Variants in NMT1 observed in about 807,000 individuals in gnomAD.
NMT1 encodes glycylpeptide N-tetradecanoyltransferase 1.
A neutral mutation model predicts 63.4 loss-of-function variants in NMT1; 12 were observed. The ratio of observed to expected loss-of-function variants is 0.19; its 90% CI spans 0.12 to 0.31. The LOEUF (loss-of-function observed/expected upper bound fraction) is 0.31. NMT1 is among the 10% of genes least tolerant of loss of function. NMT1 has a pLI of 1.00. For missense variants in NMT1, 432 were observed against 634.6 expected, an observed-to-expected ratio of 0.68 and a Z score of 3.43; for synonymous variants, 228 against 234.3, an observed-to-expected ratio of 0.97 and a Z score of 0.25.
chr17:45,104,730 C>T lies in NMT1; in HGVS notation c.1333-129C>T, dbSNP rs1022114649. On this transcript the variant is annotated intron_variant, in intron 10 of 11. Coordinates refer to ENST00000258960, the MANE Select transcript of NMT1 (RefSeq NM_021079.5). This position sits in a 1 kb window ranked among gnomAD's most constrained non-coding sequence, Gnocchi z 4.2. ...AGAGCGGGGATTAACGTGGAAGCAG[C>T]GGAGCTTCTGAGGGAACCTTGTTCT... The T allele has an allele frequency of 3.3e-6, 5 of 1,497,854 alleles. No homozygotes were observed. Among genetic ancestry groups the T allele is most frequent in the Admixed American group, 4.5e-5 (2 of 44,408 alleles). 92.8% of individuals were successfully genotyped at this position (1,497,854 alleles called of 1,614,324 possible).
Position 45,106,098 on chromosome 17 carries a change from G to C in NMT1, c.*459G>C, listed in dbSNP as rs1359202111. The C allele has an allele frequency of 6.6e-6, 1 of 152,330 alleles. No homozygotes were observed. The highest frequency in any genetic ancestry group is 1.5e-5 in the Non-Finnish European group (1 of 68,016). The allele number at this position is 152,330 out of a possible 1,614,324, so 9.4% of individuals were successfully genotyped here. ...GACCCGAGGACAGTGGCAGACAGAC[G>C]CGTTGGCACAGTTCATGGTTTCCTC... is the stretch of plus-strand genomic sequence containing the variant. On this transcript the variant is annotated 3_prime_UTR_variant, in exon 12 of 12. Coordinates refer to ENST00000258960, the MANE Select transcript of NMT1 (RefSeq NM_021079.5).
chr17:45,105,024 C>T lies in NMT1; in HGVS notation c.1470+28C>T, dbSNP rs1219417993. On this transcript the variant is annotated intron_variant, in intron 11 of 11. Coordinates refer to ENST00000258960, the MANE Select transcript of NMT1 (RefSeq NM_021079.5). This position sits in a 1 kb window ranked among gnomAD's most constrained non-coding sequence, Gnocchi z 4.2. Reference sequence around the variant, plus strand: ...AGGCGACACATAGCCAGAGTCCAGGCTGCCCGGCCCAGGGTGTCCATGTCT... The same window carrying T: ...AGGCGACACATAGCCAGAGTCCAGGTTGCCCGGCCCAGGGTGTCCATGTCT... The T allele has an allele frequency of 6.2e-7, 1 of 1,613,548 alleles. No individual in the cohort carries two copies. The highest frequency in any genetic ancestry group is 1.1e-5 in the South Asian group (1 of 91,060).
chr17:45,085,204 G>A (rs1289410773), intron 2 of NMT1, among the ~76,000 whole-genome samples: 1 of 152,094 alleles, frequency 6.6e-6, no homozygotes, highest in Non-Finnish European at 1.5e-5. Flanking sequence ...AGTAAGCCAT[G>A]ATTGTGCCAC....
intron 1 of NMT1, among the ~76,000 whole-genome samples, chr17:45,065,436 A>G (rs929603309): frequency 2.6e-5 from 4 of 152,150 alleles, no homozygotes; most frequent in Non-Finnish European, 4.4e-5. Flanking sequence ...CATCCTGGCT[A>G]ACACAGTGAA....
chr17:45,095,538 A>G (rs57837152), intron 4 of NMT1, among the ~76,000 whole-genome samples: 4,322 of 152,276 alleles, frequency 0.028, 310 homozygotes, highest in East Asian at 0.25. Context: ...AGGTGGGAAG[A>G]TCGATTGAGC....
intron 1 of NMT1, among the ~76,000 whole-genome samples, chr17:45,079,768 C>T (rs2054002683): frequency 6.6e-6 from 1 of 151,736 alleles, no homozygotes; most frequent in Non-Finnish European, 1.5e-5. Context: ...GGCGCAATCT[C>T]GGCTCACTGC....
intron 3 of NMT1, among the ~76,000 whole-genome samples, chr17:45,091,235 C>CACACACACACACGT (rs1567868451): frequency 6.9e-6 from 1 of 145,626 alleles, no homozygotes; most frequent in Non-Finnish European, 1.5e-5. Context: ...CACACACACA[C>CACACACACACACGT]ACGTCCCATA....
At chr17:45,101,508 A>C (rs2054165480) in intron 8 of NMT1, among the ~76,000 whole-genome samples, 2 of 149,732 alleles carry the variant, frequency 1.3e-5, no homozygotes. Flanking sequence ...AATCCCAGCT[A>C]CTTGGGAAGC....
chr17:45,079,989 C>T (rs1393642225), intron 1 of NMT1, among the ~76,000 whole-genome samples: 2 of 152,112 alleles, frequency 1.3e-5, no homozygotes, highest in African/African-American at 4.8e-5. Flanking sequence ...TGAGCCACTG[C>T]GCCCGGCCAC....
intron 1 of NMT1, among the ~76,000 whole-genome samples, chr17:45,064,585 G>A (rs770716096): frequency 3.9e-5 from 6 of 152,246 alleles, no homozygotes; most frequent in Non-Finnish European, 7.3e-5. Flanking sequence ...CACTTTGGGA[G>A]GCTGAGGTGG....
Position 45,082,605 on chromosome 17 carries a change from T to A in NMT1, c.240+853T>A, listed in dbSNP as rs540609404. Among the ~76,000 whole-genome samples the A allele has an allele frequency of 2.0e-3, 301 of 152,322 alleles. 2 individuals carry two copies. The highest frequency in any genetic ancestry group is 6.9e-3 in the African/African-American group (287 of 41,576). On this transcript the variant is annotated intron_variant, in intron 2 of 11. Coordinates refer to ENST00000258960, the MANE Select transcript of NMT1 (RefSeq NM_021079.5). ...AGAGATATGGGTAAGGATTGTTTTGTTTCTTAAATAAAACAACATTACAAA... is the reference window on the plus strand; with the variant it reads ...AGAGATATGGGTAAGGATTGTTTTGATTCTTAAATAAAACAACATTACAAA...
chr17:45,066,749 C>T (rs1466885199), intron 1 of NMT1, among the ~76,000 whole-genome samples: 2 of 152,150 alleles, frequency 1.3e-5, no homozygotes, highest in Non-Finnish European at 2.9e-5. Flanking sequence ...GGGCCTCGCT[C>T]TGTCGTCCAG....
At chr17:45,071,112 A>T (rs1370650444) in intron 1 of NMT1, among the ~76,000 whole-genome samples, 1 of 152,252 alleles carries the variant, frequency 6.6e-6, no homozygotes, top group East Asian at 1.9e-4. Context: ...TGAACTTACC[A>T]TACTTCAAGA....
chr17:45,103,325 C>G lies in NMT1; in HGVS notation c.1164+204C>G, dbSNP rs1314053496. ...TGGCTTGAGCCCTTCTCCCCCTCTG[C>G]CCCACTTTGATAACACAAAATAGAG... On this transcript the variant is annotated intron_variant, in intron 9 of 11. Coordinates refer to ENST00000258960, the MANE Select transcript of NMT1 (RefSeq NM_021079.5). The surrounding 1 kb of genome is among the most constrained non-coding windows in gnomAD (Gnocchi z 4.8). Among the ~76,000 whole-genome samples the G allele has an allele frequency of 6.6e-6, 1 of 152,206 alleles. No homozygotes were observed. The highest frequency in any genetic ancestry group is 1.5e-5 in the Non-Finnish European group (1 of 68,032).
At position 45,102,963 on chromosome 17, in the gene NMT1, G is replaced by C; in HGVS notation, c.1006G>C (p.Ala336Pro). ...LYRLPETPKTAGLRPMETKDI... is the reference protein window; with the variant it reads ...LYRLPETPKTPGLRPMETKDI... ...GTCTTGCCTCCAGACTCCCAAGACA[G>C]CTGGGCTGCGACCAATGGAAACAAA... Residue 336 changes from alanine to proline, a missense_variant, in exon 9 of 12, where the codon GCT becomes CCT. By Grantham distance (27) the Ala-to-Pro change is conservative. Transcript: ENST00000258960. 6.2e-7 allele frequency: 1 copy of C among 1,611,888 alleles called. No individual in the cohort carries two copies. Among genetic ancestry groups the C allele is most frequent in the Non-Finnish European group, 8.5e-7 (1 of 1,178,168 alleles).
intron 1 of NMT1, among the ~76,000 whole-genome samples, chr17:45,066,728 CT>C (rs2053905406): frequency 1.3e-5 from 2 of 152,096 alleles, no homozygotes; most frequent in African/African-American, 4.8e-5. Context: ...ATTGTTATTA[CT>C]TTGGAAACAG....
chr17:45,083,489 A>AT (rs1170633048), intron 2 of NMT1, among the ~76,000 whole-genome samples: 4 of 152,084 alleles, frequency 2.6e-5, no homozygotes, highest in Non-Finnish European at 4.4e-5. Context: ...ACTTCAAGTA[A>AT]TTTTTTTACT....
At position 45,097,288 on chromosome 17, in the gene NMT1, C is replaced by T. The variant is rs770576258; in HGVS notation, c.713+44C>T. 2.1e-6 allele frequency: 3 copies of T among 1,402,462 alleles called. No homozygotes were observed. The East Asian group carries it at 6.8e-5, about 32-fold the overall frequency. 86.9% of individuals were successfully genotyped at this position (1,402,462 alleles called of 1,614,324 possible). On this transcript the variant is annotated intron_variant, in intron 6 of 11. Transcript: ENST00000258960. ...CCCCACCCCCCACAACACCGCCATC[C>T]TGCTTGGTCTGGGAGAGAGTAGAAA...
intron 1 of NMT1, among the ~76,000 whole-genome samples, chr17:45,080,402 C>T (rs184887063): frequency 2.6e-5 from 4 of 151,668 alleles, no homozygotes; most frequent in South Asian, 2.1e-4. Flanking sequence ...TCAGGTGATC[C>T]GCCTGCCTTG....
Sources: allele counts gnomAD v4.1 joint callset (sites outside exome capture counted in the v4.1 genomes callset), GRCh38; gene constraint gnomAD v4.1.1; non-coding constraint Gnocchi (gnomAD v3.1); transcripts MANE v1.5; gene names NCBI Gene and HGNC (gene_info 2026-07-23, HGNC 2026-07-21).